DAB1: variants seen among roughly 807,000 people sequenced by gnomAD.
DAB1 encodes the protein DAB adaptor protein 1, also known as disabled homolog 1.
A neutral mutation model predicts 64.6 loss-of-function variants in DAB1; 15 were observed. That is an observed-to-expected ratio of 0.23 (90% CI 0.16 to 0.36). The LOEUF is 0.36. DAB1 is among the 10% of genes least tolerant of loss of function. The pLI is 1.00. For missense variants in DAB1, 596 were observed against 706.7 expected (o/e 0.84, Z 1.78); for synonymous variants, 235 against 251.9 (o/e 0.93, Z 0.64).
At chr1:58,091,570 C>T (rs2100612315) in intron 5 of DAB1, among the ~76,000 whole-genome samples, 1 of 152,286 alleles carries the variant, frequency 6.6e-6, no homozygotes, top group Admixed American at 6.5e-5. Flanking sequence ...CACAAGATCA[C>T]AGAGATGGCA....
At chr1:58,433,912 T>C (rs1215764810) in intron 3 of DAB1, among the ~76,000 whole-genome samples, 2 of 151,872 alleles carry the variant, frequency 1.3e-5, no homozygotes, top group African/African-American at 4.8e-5. Flanking sequence ...ACATGAATAT[T>C]TGGAGGAAGA....
chr1:57,253,465 G>T (rs76549849), intron 2 of DAB1, among the ~76,000 whole-genome samples: 2,374 of 152,208 alleles, frequency 0.016, 28 homozygotes, highest in Non-Finnish European at 0.025. Flanking sequence ...CCCTCCTAAA[G>T]ATTCCCCAGC....
intron 5 of DAB1, among the ~76,000 whole-genome samples, chr1:57,981,976 T>G (rs1482606717): frequency 1.3e-5 from 2 of 152,214 alleles, no homozygotes; most frequent in East Asian, 1.9e-4. Flanking sequence ...CTAGTTTCTA[T>G]GTAACAGCTA....
At chr1:57,699,129 C>T (rs758630876) in intron 6 of DAB1, among the ~76,000 whole-genome samples, 32 of 151,980 alleles carry the variant, frequency 2.1e-4, no homozygotes, top group African/African-American at 7.7e-4. Flanking sequence ...TTAGTAGACA[C>T]GGGGTATCAC....
intron 3 of DAB1, among the ~76,000 whole-genome samples, chr1:58,444,364 T>C (rs1444457639): frequency 6.6e-6 from 1 of 152,212 alleles, no homozygotes; most frequent in Non-Finnish European, 1.5e-5. Flanking sequence ...TTCTCCCTTA[T>C]AGAGATAAGA....
At chr1:57,893,352 G>A (rs1644346109) in intron 5 of DAB1, among the ~76,000 whole-genome samples, 2 of 152,134 alleles carry the variant, frequency 1.3e-5, no homozygotes. Context: ...AATCATGTAA[G>A]TTAGCAAATG....
At chr1:57,365,214 A>G (rs1570376329) in intron 1 of DAB1, among the ~76,000 whole-genome samples, 1 of 142,210 alleles carries the variant, frequency 7.0e-6, no homozygotes, top group African/African-American at 2.6e-5. Flanking sequence ...ATATAAATAT[A>G]TATTTATGTT....
At chr1:57,344,302 A>G (rs545061141) in intron 1 of DAB1, among the ~76,000 whole-genome samples, 16 of 152,296 alleles carry the variant, frequency 1.1e-4, no homozygotes, top group Admixed American at 3.3e-4. Context: ...TCATTCTCCT[A>G]AGAACACTCT....
intron 5 of DAB1, among the ~76,000 whole-genome samples, chr1:57,984,239 AG>A (rs1281458229): frequency 9.3e-5 from 14 of 150,656 alleles, no homozygotes; most frequent in African/African-American, 2.5e-4. Flanking sequence ...AAAGAAAGAA[AG>A]AAAGAAAGAA....
intron 4 of DAB1, among the ~76,000 whole-genome samples, chr1:57,128,197 C>A (rs942686725): frequency 2.0e-5 from 3 of 147,052 alleles, no homozygotes; most frequent in African/African-American, 7.4e-5. Flanking sequence ...ATAAATAATA[C>A]AATTCTTTAG....
chr1:58,259,656 C>T (rs1342540245), intron 4 of DAB1, among the ~76,000 whole-genome samples: 7 of 152,082 alleles, frequency 4.6e-5, no homozygotes, highest in Middle Eastern at 3.2e-3. Context: ...ATAGCCCAGT[C>T]GATGTGTGTG....
At chr1:58,044,428 G>A (rs977595434) in intron 5 of DAB1, among the ~76,000 whole-genome samples, 3 of 151,228 alleles carry the variant, frequency 2.0e-5, no homozygotes, top group Non-Finnish European at 4.4e-5. Flanking sequence ...TCATTTTTTC[G>A]CTTCTTAGCT....
chr1:57,642,339 C>G (rs1256767473), intron 7 of DAB1, among the ~76,000 whole-genome samples: 1 of 152,184 alleles, frequency 6.6e-6, no homozygotes, highest in Non-Finnish European at 1.5e-5. Context: ...AAGCTGATTC[C>G]CTAGCCCTTA....
At chr1:57,793,285 T>G (rs1172912449) in intron 6 of DAB1, among the ~76,000 whole-genome samples, 1 of 152,202 alleles carries the variant, frequency 6.6e-6, no homozygotes, top group Non-Finnish European at 1.5e-5. Flanking sequence ...TTAACTTGGA[T>G]ACTGGAAATA....
intron 7 of DAB1, among the ~76,000 whole-genome samples, chr1:57,644,699 T>C (rs1378770047): frequency 6.6e-6 from 1 of 151,602 alleles, no homozygotes; most frequent in Non-Finnish European, 1.5e-5. Flanking sequence ...TAACTATATA[T>C]GCATTATTTA....
intron 4 of DAB1, among the ~76,000 whole-genome samples, chr1:57,084,869 C>T (rs1398979429): frequency 1.3e-5 from 2 of 152,172 alleles, no homozygotes; most frequent in African/African-American, 4.8e-5. Flanking sequence ...ACCACCAAAC[C>T]ACTGAGGTGG....
chr1:57,944,402 C>T (rs141120237), intron 5 of DAB1, among the ~76,000 whole-genome samples: 2 of 152,150 alleles, frequency 1.3e-5, no homozygotes, highest in African/African-American at 4.8e-5. Flanking sequence ...TCCACCCCCA[C>T]GTTACTGCAC....
intron 1 of DAB1, among the ~76,000 whole-genome samples, chr1:57,342,047 T>C (rs1476650564): frequency 6.6e-6 from 1 of 152,234 alleles, no homozygotes; most frequent in African/African-American, 2.4e-5. Flanking sequence ...ACTATTATTA[T>C]GCCAATGGAG....
rs1312380019 is a variant in DAB1 at position 57,164,263 on chromosome 1, T to A, written c.68-18834A>T. 3.3e-5 allele frequency among the ~76,000 whole-genome samples: 5 copies of A among 152,182 alleles called. No homozygotes were observed. In the East Asian group the frequency reaches 9.6e-4, roughly 29 times the overall value. ...CATGGCTGCTGCTTCTTAGCACAGA[T>A]ATGACCATATAAAAGCACCACAGAA... is the stretch of plus-strand genomic sequence containing the variant. On this transcript the variant is annotated intron_variant, in intron 2 of 14. Coordinates refer to ENST00000371236, the MANE Select transcript of DAB1 (RefSeq NM_001365792.1).
Sources: gnomAD v4.1 joint callset for allele counts (sites outside exome capture counted in the v4.1 genomes callset) on GRCh38, gnomAD v4.1.1 for gene constraint, MANE v1.5 for transcripts, NCBI Gene and HGNC (gene_info 2026-07-23, HGNC 2026-07-21) for gene names.